MYO5B: variants seen among roughly 807,000 people sequenced by gnomAD.
The protein encoded by MYO5B is myosin VB.
A neutral mutation model predicts 229.3 loss-of-function variants in MYO5B; 143 were observed. The observed-to-expected ratio is 0.62, with a 90% CI of 0.54 to 0.72. The LOEUF (loss-of-function observed/expected upper bound fraction) is 0.72, where lower values mean the gene tolerates loss of function less well. MYO5B is among the 30% of genes least tolerant of loss of function. MYO5B has a pLI of 0.00. For missense variants in MYO5B, 2,321 were observed against 2,331.0 expected (o/e 1.00, Z 0.09); for synonymous variants, 918 against 885.2 (o/e 1.04, Z -0.66).
intron 1 of MYO5B, among the ~76,000 whole-genome samples, chr18:50,180,962 G>C (rs1443716537): frequency 1.3e-5 from 2 of 152,130 alleles, no homozygotes; most frequent in African/African-American, 4.8e-5. Flanking sequence ...GACAATCATG[G>C]ATAATGCTGC....
At chr18:49,930,766 C>T (rs1011271932) in intron 16 of MYO5B, among the ~76,000 whole-genome samples, 1 of 151,946 alleles carries the variant, frequency 6.6e-6, no homozygotes, top group African/African-American at 2.4e-5. Context: ...GTGGTGGGTG[C>T]CTGTAGTCCC....
intron 39 of MYO5B, among the ~76,000 whole-genome samples, chr18:49,829,497 G>T (rs1039461218): frequency 1.1e-4 from 16 of 152,036 alleles, no homozygotes; most frequent in African/African-American, 3.9e-4. Flanking sequence ...GCCCAAGATG[G>T]GCTTCACTGG....
At chr18:50,124,763 C>T (rs981288658) in intron 1 of MYO5B, among the ~76,000 whole-genome samples, 17 of 151,966 alleles carry the variant, frequency 1.1e-4, no homozygotes, top group Non-Finnish European at 1.6e-4. Context: ...TCTCTCCCCC[C>T]GCCCCACCCC....
chr18:50,011,997 A>G (rs1479688996), intron 4 of MYO5B, among the ~76,000 whole-genome samples: 1 of 152,076 alleles, frequency 6.6e-6, no homozygotes, highest in Non-Finnish European at 1.5e-5. Context: ...GGAAGAGGCA[A>G]CGCTGACTGC....
In MYO5B at chr18:49,904,711, G is replaced by A. The variant is rs1319543059; in HGVS notation, c.2532C>T (p.Ala844=). Residue 844 remains alanine (A), a synonymous_variant, in exon 20 of 40, where the codon GCC becomes GCT. Transcript: ENST00000285039. ...TCCGCACAAACATGGCCCGGGTGAA[G>A]GCCTGGATAACAACGGCAGCTCTGC... ...RVRRAAVVIQ[A]FTRAMFVRRT... 1 of 1,614,110 alleles carries A rather than the reference G, an allele frequency of 6.2e-7. No individual in the cohort carries two copies. Among genetic ancestry groups the A allele is most frequent in the Admixed American group, 1.7e-5 (1 of 60,036 alleles).
At chr18:49,831,303 A>T (rs1420666569) in intron 39 of MYO5B, among the ~76,000 whole-genome samples, 2 of 152,196 alleles carry the variant, frequency 1.3e-5, no homozygotes, top group African/African-American at 4.8e-5. Flanking sequence ...TCCTGCATCA[A>T]AGGACACTAT....
chr18:49,982,949 C>A (rs2025832154), intron 8 of MYO5B, among the ~76,000 whole-genome samples: 2 of 152,152 alleles, frequency 1.3e-5, no homozygotes, highest in Admixed American at 1.3e-4. Context: ...CAGCTTGTGC[C>A]CACTGCCCAC....
At chr18:50,043,162 C>T (rs961553439) in intron 2 of MYO5B, among the ~76,000 whole-genome samples, 14 of 148,618 alleles carry the variant, frequency 9.4e-5, no homozygotes, top group African/African-American at 3.5e-4. Flanking sequence ...ATTCACAATT[C>T]CAAAATTTGG....
intron 1 of MYO5B, among the ~76,000 whole-genome samples, chr18:50,136,364 CTT>C (rs11426659): frequency 1.4e-4 from 18 of 131,744 alleles, no homozygotes; most frequent in Admixed American, 2.3e-4. Context: ...TTTTTTTTTA[CTT>C]TTTTTTTTTT....
chr18:50,017,479 ATTCG>A (rs1445972685), intron 4 of MYO5B, among the ~76,000 whole-genome samples: 1 of 152,218 alleles, frequency 6.6e-6, no homozygotes, highest in Non-Finnish European at 1.5e-5. Flanking sequence ...TCCATACTTC[ATTCG>A]TTTTTATAGC....
intron 1 of MYO5B, among the ~76,000 whole-genome samples, chr18:50,118,131 G>C (rs1350024611): frequency 6.6e-6 from 1 of 152,116 alleles, no homozygotes; most frequent in African/African-American, 2.4e-5. Context: ...AACTCAGTAG[G>C]ATACAACTGC....
intron 15 of MYO5B, among the ~76,000 whole-genome samples, chr18:49,936,846 C>T (rs1253608767): frequency 6.6e-6 from 1 of 152,196 alleles, no homozygotes; most frequent in African/African-American, 2.4e-5. Flanking sequence ...TCTCCAGAGA[C>T]ACAATGGGCA....
intron 4 of MYO5B, among the ~76,000 whole-genome samples, chr18:50,027,637 A>G (rs2026345508): frequency 6.6e-6 from 1 of 152,204 alleles, no homozygotes; most frequent in African/African-American, 2.4e-5. Context: ...ACTTGACTCA[A>G]TGTTTAGTTC....
At chr18:50,167,493 T>A (rs2032868769) in intron 1 of MYO5B, among the ~76,000 whole-genome samples, 1 of 152,220 alleles carries the variant, frequency 6.6e-6, no homozygotes, top group Non-Finnish European at 1.5e-5. Flanking sequence ...ATAGGATTGA[T>A]CAACTGTCCC....
At chr18:49,956,590 A>C (rs894039276) in intron 12 of MYO5B, among the ~76,000 whole-genome samples, 2 of 152,212 alleles carry the variant, frequency 1.3e-5, no homozygotes, top group African/African-American at 2.4e-5. Flanking sequence ...AAAAAATCTT[A>C]TATTTTGATA....
chr18:50,122,327 C>A (rs1047861582), intron 1 of MYO5B, among the ~76,000 whole-genome samples: 7 of 149,834 alleles, frequency 4.7e-5, no homozygotes, highest in Admixed American at 3.4e-4. Context: ...CCTGGCCAGG[C>A]GTGGTGGCTC....
chr18:50,155,332 C>G (rs1599063383), intron 1 of MYO5B, among the ~76,000 whole-genome samples: 1 of 152,128 alleles, frequency 6.6e-6, no homozygotes, highest in East Asian at 1.9e-4. Context: ...GTTATGTATT[C>G]TTTATTCTAC....
At chr18:49,935,107 G>C (rs748009619) in intron 16 of MYO5B, among the ~76,000 whole-genome samples, 6 of 152,116 alleles carry the variant, frequency 3.9e-5, no homozygotes, top group Non-Finnish European at 5.9e-5. Flanking sequence ...AAGAGGATCT[G>C]GAACAAGGTG....
At chr18:50,106,964 G>A (rs557438226) in intron 1 of MYO5B, among the ~76,000 whole-genome samples, 1 of 152,142 alleles carries the variant, frequency 6.6e-6, no homozygotes, top group East Asian at 1.9e-4. Flanking sequence ...ACTAAGGGAG[G>A]GTGCAAAGGG....
Sources: gnomAD v4.1 joint callset for allele counts (sites outside exome capture counted in the v4.1 genomes callset) on GRCh38, gnomAD v4.1.1 for gene constraint, MANE v1.5 for transcripts, NCBI Gene and HGNC (gene_info 2026-07-23, HGNC 2026-07-21) for gene names.